The following AFG1L variants were observed in gnomAD, a reference collection of about 807,000 sequenced individuals.
The protein encoded by AFG1L is AFG1 like ATPase.
AFG1L carries 53 observed loss-of-function variants against 62.2 expected under a neutral mutation model. The observed-to-expected ratio is 0.85, with a 90% CI of 0.68 to 1.07. The LOEUF (loss-of-function observed/expected upper bound fraction) is 1.07, where lower values mean the gene tolerates loss of function less well. Ranked by LOEUF, AFG1L falls within the 50% of genes least tolerant of loss-of-function variation. AFG1L has a pLI of 0.00. For missense variants in AFG1L, 555 were observed against 590.5 expected, an observed-to-expected ratio of 0.94 and a Z score of 0.62; for synonymous variants, 228 against 210.3, an observed-to-expected ratio of 1.08 and a Z score of -0.73.
chr6:108,369,592 G>A (rs1307831119), intron 6 of AFG1L, among the ~76,000 whole-genome samples: 2 of 151,902 alleles, frequency 1.3e-5, no homozygotes, highest in Admixed American at 6.6e-5. Flanking sequence ...ATCAAAATGC[G>A]TTCAACTTTT....
chr6:108,421,570 G>T (rs1582561437), intron 7 of AFG1L, among the ~76,000 whole-genome samples: 1 of 152,180 alleles, frequency 6.6e-6, no homozygotes, highest in East Asian at 1.9e-4. Flanking sequence ...CAGCATAAAG[G>T]CAGTGTTTTA....
intron 11 of AFG1L, among the ~76,000 whole-genome samples, chr6:108,515,056 C>T (rs1774820463): frequency 6.6e-6 from 1 of 152,096 alleles, no homozygotes; most frequent in South Asian, 2.1e-4. Context: ...ATGGGAGACT[C>T]TAACACCCCA....
At chr6:108,390,409 G>T (rs1383571601) in intron 6 of AFG1L, among the ~76,000 whole-genome samples, 2 of 152,186 alleles carry the variant, frequency 1.3e-5, no homozygotes, top group Non-Finnish European at 2.9e-5. Flanking sequence ...CGTTGCTAGC[G>T]AGGAGCTGCG....
At chr6:108,407,816 A>C (rs1032498064) in intron 7 of AFG1L, among the ~76,000 whole-genome samples, 1 of 152,164 alleles carries the variant, frequency 6.6e-6, no homozygotes, top group South Asian at 2.1e-4. Flanking sequence ...TTTCTTTTAT[A>C]TATAATTTCC....
intron 5 of AFG1L, among the ~76,000 whole-genome samples, chr6:108,358,203 A>T (rs1293320610): frequency 6.6e-6 from 1 of 152,258 alleles, no homozygotes; most frequent in East Asian, 1.9e-4. Flanking sequence ...GAATCAATAG[A>T]GGCCATTTCT....
At chr6:108,297,212 T>A (rs1776796895) in intron 1 of AFG1L, among the ~76,000 whole-genome samples, 1 of 152,050 alleles carries the variant, frequency 6.6e-6, no homozygotes, top group Non-Finnish European at 1.5e-5. Context: ...ATTCAAGCAA[T>A]TCTCCCTGCC....
At chr6:108,497,904 T>C (rs1203197028) in intron 10 of AFG1L, among the ~76,000 whole-genome samples, 1 of 152,166 alleles carries the variant, frequency 6.6e-6, no homozygotes, top group Non-Finnish European at 1.5e-5. Context: ...TGACATAAAC[T>C]GAGTAACAAT....
At chr6:108,369,649 G>A (rs538760743) in intron 6 of AFG1L, among the ~76,000 whole-genome samples, 2 of 151,374 alleles carry the variant, frequency 1.3e-5, no homozygotes, top group African/African-American at 4.9e-5. Context: ...TTGCTCTGTC[G>A]CCCAGACTGG....
intron 7 of AFG1L, among the ~76,000 whole-genome samples, chr6:108,440,829 A>G (rs772238980): frequency 4.0e-5 from 6 of 151,896 alleles, no homozygotes; most frequent in Non-Finnish European, 8.8e-5. Flanking sequence ...TCAAAAAAAG[A>G]AAAAAGGAAA....
intron 6 of AFG1L, among the ~76,000 whole-genome samples, chr6:108,367,301 T>C (rs1292314703): frequency 6.6e-6 from 1 of 152,126 alleles, no homozygotes. Flanking sequence ...CATTGGATGA[T>C]TGCATGTTTT....
At chr6:108,498,951 G>A (rs1007498315) in intron 10 of AFG1L, among the ~76,000 whole-genome samples, 2 of 152,028 alleles carry the variant, frequency 1.3e-5, no homozygotes, top group South Asian at 2.1e-4. Flanking sequence ...TCTAGCTTGG[G>A]TGACAGAGTG....
intron 7 of AFG1L, among the ~76,000 whole-genome samples, chr6:108,403,153 G>A (rs1314298928): frequency 6.6e-6 from 1 of 151,826 alleles, no homozygotes; most frequent in South Asian, 2.1e-4. Context: ...ATCTAGTTGA[G>A]GATGTAAAAT....
At chr6:108,363,576 T>A (rs544607108) in intron 5 of AFG1L, among the ~76,000 whole-genome samples, 1 of 152,300 alleles carries the variant, frequency 6.6e-6, no homozygotes, top group Non-Finnish European at 1.5e-5. Flanking sequence ...GGAATATTTA[T>A]GTTACATGTT....
At chr6:108,364,811 G>A (rs1779684258) in intron 5 of AFG1L, among the ~76,000 whole-genome samples, 1 of 137,784 alleles carries the variant, frequency 7.3e-6, no homozygotes, top group Non-Finnish European at 1.5e-5. Context: ...AGTTCCTGAA[G>A]TCTTTTTAAT....
intron 6 of AFG1L, among the ~76,000 whole-genome samples, chr6:108,385,545 C>A (rs528283508): frequency 2.4e-4 from 37 of 152,312 alleles, no homozygotes; most frequent in African/African-American, 8.7e-4. Context: ...GGCTTGCTGT[C>A]AATAAATATG....
intron 7 of AFG1L, among the ~76,000 whole-genome samples, chr6:108,405,372 G>T (rs531640355): frequency 6.6e-6 from 1 of 152,104 alleles, no homozygotes; most frequent in Non-Finnish European, 1.5e-5. Flanking sequence ...TTGAGACAGG[G>T]TCTCACGCTG....
intron 10 of AFG1L, among the ~76,000 whole-genome samples, chr6:108,483,918 C>T (rs1164789959): frequency 6.6e-6 from 1 of 152,078 alleles, no homozygotes; most frequent in African/African-American, 2.4e-5. Flanking sequence ...AGTATCCCTT[C>T]GGGAGCTGTT....
intron 7 of AFG1L, among the ~76,000 whole-genome samples, chr6:108,406,313 C>CA (rs1781852532): frequency 7.1e-6 from 1 of 141,162 alleles, no homozygotes. Flanking sequence ...TTTCTTTTTC[C>CA]TTTTTTTTTT....
At chr6:108,425,239 G>A (rs1054855546) in intron 7 of AFG1L, among the ~76,000 whole-genome samples, 1 of 152,098 alleles carries the variant, frequency 6.6e-6, no homozygotes, top group African/African-American at 2.4e-5. Flanking sequence ...TACAAACAGA[G>A]GGTTACACAT....
Sources: gnomAD v4.1 joint callset for allele counts (sites outside exome capture counted in the v4.1 genomes callset) on GRCh38, gnomAD v4.1.1 for gene constraint, MANE v1.5 for transcripts, NCBI Gene and HGNC (gene_info 2026-07-23, HGNC 2026-07-21) for gene names.